PTK2: variants seen among roughly 807,000 people sequenced by gnomAD.
PTK2 encodes the protein focal adhesion kinase 1.
Under a neutral mutation model 150.1 loss-of-function variants are expected in PTK2, and 45 were observed. The observed-to-expected ratio is 0.30, with a 90% CI of 0.24 to 0.38. The LOEUF (loss-of-function observed/expected upper bound fraction) is 0.38. Among genes scored for constraint, PTK2 ranks in the 10% least tolerant of loss-of-function variants. PTK2 has a pLI of 1.00. For missense variants in PTK2, 919 were observed against 1,307.3 expected, an observed-to-expected ratio of 0.70 and a Z score of 4.58; for synonymous variants, 432 against 449.2, an observed-to-expected ratio of 0.96 and a Z score of 0.48.
chr8:140,752,358 G>C (rs377364855), intron 16 of PTK2, 42 bp from the exon 20 acceptor site: 2 of 1,556,902 alleles, frequency 1.3e-6, no homozygotes, highest in Admixed American at 1.7e-5. Flanking sequence ...CATGCAAAAA[G>C]GTTTGCTATA....
chr8:140,835,154 G>C (rs769534438), intron 7 of PTK2, among the ~76,000 whole-genome samples: 1 of 152,130 alleles, frequency 6.6e-6, no homozygotes, highest in South Asian at 2.1e-4. Context: ...TATCCTGCAC[G>C]TGTATTCATA....
chr8:140,897,796 C>T (rs1371352835), intron 2 of PTK2, among the ~76,000 whole-genome samples: 2 of 152,200 alleles, frequency 1.3e-5, no homozygotes. Flanking sequence ...GCTGGGGCTG[C>T]CAATTCTTTG....
chr8:140,753,051 G>GT (rs2100063720), intron 16 of PTK2, among the ~76,000 whole-genome samples: 1 of 152,222 alleles, frequency 6.6e-6, no homozygotes, highest in African/African-American at 2.4e-5. Flanking sequence ...GGACATTGGA[G>GT]TACCATGGCC....
intron 26 of PTK2, among the ~76,000 whole-genome samples, chr8:140,688,871 T>C (rs564961762): frequency 3.4e-4 from 52 of 152,330 alleles, no homozygotes; most frequent in Admixed American, 5.2e-4. Flanking sequence ...GCAGATGTGA[T>C]ATATATAACT....
At chr8:140,687,647 T>C (rs1276959191) in intron 26 of PTK2, among the ~76,000 whole-genome samples, 2 of 152,230 alleles carry the variant, frequency 1.3e-5, no homozygotes, top group East Asian at 1.9e-4. Context: ...CTCTCCCTTC[T>C]TTTCCAATTC....
chr8:140,957,891 T>C (rs758097253), intron 1 of PTK2, among the ~76,000 whole-genome samples: 4 of 152,164 alleles, frequency 2.6e-5, no homozygotes, highest in Non-Finnish European at 4.4e-5. Flanking sequence ...TGAAATCACC[T>C]AATGCATTTC....
chr8:140,748,308 A>G (rs2100060678), intron 17 of PTK2, among the ~76,000 whole-genome samples: 1 of 152,132 alleles, frequency 6.6e-6, no homozygotes. Flanking sequence ...AGCCTGGCCA[A>G]CATGGTGAAA....
rs1309858138 is a variant in PTK2 at position 140,800,615 on chromosome 8, C to T, written c.976-39G>A. 9 of 1,514,398 alleles carry T rather than the reference C, an allele frequency of 5.9e-6. No homozygotes were observed. In the Admixed American group the frequency reaches 6.7e-5, roughly 11 times the overall value. The allele number at this position is 1,514,398 out of a possible 1,614,324, so 93.8% of individuals were successfully genotyped here. On this transcript the variant is annotated intron_variant, in intron 11 of 31. Coordinates refer to ENST00000522684, the Ensembl canonical transcript of PTK2. ...GATCAAGAAAACAGACTTCATTGTT[C>T]TTCCCAGTAAGCAAAGGACAGCTGT...
intron 14 of PTK2, among the ~76,000 whole-genome samples, chr8:140,775,872 A>C (rs1164355214): frequency 1.3e-5 from 2 of 152,244 alleles, no homozygotes; most frequent in Non-Finnish European, 2.9e-5. Flanking sequence ...ATCCTCTGTC[A>C]GAGAAATTTA....
intron 1 of PTK2, among the ~76,000 whole-genome samples, chr8:140,929,881 A>G (rs921551847): frequency 2.0e-5 from 3 of 152,170 alleles, no homozygotes; most frequent in Non-Finnish European, 4.4e-5. Flanking sequence ...GAGAGCGCCC[A>G]TAACAAAGGC....
In PTK2 at chr8:140,793,857, G is replaced by A. The variant is rs185708968; in HGVS notation, c.1094-473C>T. On this transcript the variant is annotated intron_variant, in intron 12 of 31. Transcript: ENST00000522684. ...AATGTATGAGAGAAGGCAAGTCCTG[G>A]AGCTGTCATCTAAAGGAGCCGTGCA... Among the ~76,000 whole-genome samples, 494 of 152,310 alleles carry A rather than the reference G, an allele frequency of 3.2e-3. 2 individuals are homozygous for A. The highest frequency in any genetic ancestry group is 0.017 in the Middle Eastern group (5 of 294).
intron 5 of PTK2, among the ~76,000 whole-genome samples, chr8:140,858,871 G>A: frequency 6.6e-6 from 1 of 152,026 alleles, no homozygotes; most frequent in East Asian, 1.9e-4. Context: ...TAAACAATTA[G>A]TATCAAATGA....
chr8:140,752,958 G>A, intron 16 of PTK2, among the ~76,000 whole-genome samples: 1 of 152,222 alleles, frequency 6.6e-6, no homozygotes, highest in East Asian at 1.9e-4. Flanking sequence ...GAGGAACGGA[G>A]GGGCCAGACC....
At chr8:141,001,296 GGGCC>G, upstream of PTK2, 1 of 147,374 alleles carries the variant, frequency 6.8e-6, no homozygotes, top group South Asian at 2.0e-4. Context: ...GCGTCGGCGC[GGGCC>G]CGCGCGCGTG....
intron 12 of PTK2, 73 bp downstream of exon 12, chr8:140,800,386 A>T: frequency 8.6e-7 from 1 of 1,161,900 alleles, no homozygotes; most frequent in Non-Finnish European, 1.3e-6. Context: ...AGAGGATAAC[A>T]GGCTGTTAGG....
At chr8:140,676,530 G>A (rs2100013808) in intron 27 of PTK2, among the ~76,000 whole-genome samples, 1 of 149,374 alleles carries the variant, frequency 6.7e-6, no homozygotes, top group South Asian at 2.1e-4. Flanking sequence ...CTCATAAGTT[G>A]GAGCTAAATA....
At chr8:140,978,901 C>G (rs975939789) in intron 1 of PTK2, among the ~76,000 whole-genome samples, 10 of 151,852 alleles carry the variant, frequency 6.6e-5, no homozygotes, top group Non-Finnish European at 1.3e-4. Flanking sequence ...TAATGTGGCA[C>G]ACATACACCA....
intron 1 of PTK2, among the ~76,000 whole-genome samples, chr8:140,965,092 T>C (rs916860062): frequency 3.9e-5 from 6 of 152,188 alleles, no homozygotes; most frequent in Non-Finnish European, 7.4e-5. Context: ...ACCTGATTTC[T>C]ATTGTTTAGA....
At chr8:140,755,268 T>C (rs1022416911) in intron 16 of PTK2, among the ~76,000 whole-genome samples, 3 of 151,788 alleles carry the variant, frequency 2.0e-5, no homozygotes, top group Admixed American at 6.6e-5. Flanking sequence ...AAGAAAAAAA[T>C]GTGTGCCAAT....
Sources: gnomAD v4.1 joint callset for allele counts (sites outside exome capture counted in the v4.1 genomes callset) on GRCh38, gnomAD v4.1.1 for gene constraint, MANE v1.5 for transcripts, NCBI Gene and HGNC (gene_info 2026-07-23, HGNC 2026-07-21) for gene names.